The following ULK4 variants were observed in gnomAD, a reference collection of about 807,000 sequenced individuals.
ULK4 encodes unc-51 like kinase 4.
A neutral mutation model predicts 160.6 loss-of-function variants in ULK4; 133 were observed. That is an observed-to-expected ratio of 0.83 (90% CI 0.72 to 0.96). ULK4 has a LOEUF of 0.96. Among genes scored for constraint, ULK4 ranks in the 40% least tolerant of loss-of-function variants. The pLI, the probability that ULK4 is intolerant of heterozygous loss-of-function variation, is 0.00. For missense variants in ULK4, 1,580 were observed against 1,499.5 expected (o/e 1.05, Z -0.89); for synonymous variants, 534 against 539.8 (o/e 0.99, Z 0.15).
At chr3:41,883,736 G>A in intron 17 of ULK4, 138 bp downstream of exon 17, 1 of 789,162 alleles carries the variant, frequency 1.3e-6, no homozygotes. Flanking sequence ...GTCTGTTGAG[G>A]TAACAGTTTT....
At chr3:41,566,744 T>G (rs1575424743) in intron 31 of ULK4, among the ~76,000 whole-genome samples, 4 of 152,362 alleles carry the variant, frequency 2.6e-5, no homozygotes, top group Admixed American at 2.6e-4. Flanking sequence ...TTCTTTGTAA[T>G]TTTTAAAGGG....
intron 32 of ULK4, among the ~76,000 whole-genome samples, chr3:41,555,179 G>GA (rs1451442703): frequency 1.3e-5 from 2 of 151,862 alleles, no homozygotes; most frequent in South Asian, 2.1e-4. Context: ...AAACTGATTT[G>GA]AAAAAAATAC....
intron 30 of ULK4, among the ~76,000 whole-genome samples, chr3:41,658,274 T>G (rs1399673435): frequency 6.6e-6 from 1 of 152,192 alleles, no homozygotes; most frequent in East Asian, 1.9e-4. Flanking sequence ...GTTTGCACAT[T>G]TAACAGATGG....
At chr3:41,448,122 C>T (rs2083345364) in intron 34 of ULK4, among the ~76,000 whole-genome samples, 1 of 152,146 alleles carries the variant, frequency 6.6e-6, no homozygotes, top group Non-Finnish European at 1.5e-5. Context: ...CAAAGTGAAG[C>T]AAACCGATAT....
At chr3:41,639,278 T>A (rs190945374) in intron 30 of ULK4, among the ~76,000 whole-genome samples, 7 of 152,350 alleles carry the variant, frequency 4.6e-5, no homozygotes, top group Admixed American at 3.9e-4. Flanking sequence ...AAGACAATGT[T>A]TCTTGTTGCC....
intron 30 of ULK4, among the ~76,000 whole-genome samples, chr3:41,624,715 G>A (rs575391391): frequency 6.6e-6 from 1 of 152,024 alleles, no homozygotes; most frequent in Non-Finnish European, 1.5e-5. Flanking sequence ...TTTTTTAGTG[G>A]TAAGCCTAAT....
intron 17 of ULK4, among the ~76,000 whole-genome samples, chr3:41,864,907 T>C (rs1276339794): frequency 6.6e-6 from 1 of 152,062 alleles, no homozygotes; most frequent in Non-Finnish European, 1.5e-5. Context: ...AATGCCCAGA[T>C]TCCCCCCAGG....
At chr3:41,773,121 A>C (rs1397068389) in intron 21 of ULK4, among the ~76,000 whole-genome samples, 3 of 152,216 alleles carry the variant, frequency 2.0e-5, no homozygotes, top group Admixed American at 2.0e-4. Flanking sequence ...ATCATACTGA[A>C]TGGAAAAAAA....
intron 32 of ULK4, among the ~76,000 whole-genome samples, chr3:41,477,262 T>C (rs1409476011): frequency 1.3e-5 from 2 of 152,244 alleles, no homozygotes; most frequent in African/African-American, 4.8e-5. Flanking sequence ...CTGAGAATAT[T>C]AATATACATG....
chr3:41,489,542 C>A (rs904528625), intron 32 of ULK4, among the ~76,000 whole-genome samples: 1 of 152,194 alleles, frequency 6.6e-6, no homozygotes, highest in South Asian at 2.1e-4. Flanking sequence ...GCAACACCAT[C>A]CCCCTTCCTG....
chr3:41,903,795 A>G (rs1231807966), intron 12 of ULK4, among the ~76,000 whole-genome samples: 2 of 152,154 alleles, frequency 1.3e-5, no homozygotes, highest in African/African-American at 2.4e-5. Flanking sequence ...TTAAATGAAA[A>G]TAATTGTTAT....
intron 35 of ULK4, among the ~76,000 whole-genome samples, chr3:41,366,602 T>TAC (rs1379622107): frequency 9.2e-4 from 139 of 151,488 alleles, no homozygotes; most frequent in African/African-American, 2.9e-3. Context: ...TATGTATATA[T>TAC]ACACACACAC....
At position 41,545,385 on chromosome 3, in the gene ULK4, GAC is replaced by G. The variant is rs143943818; in HGVS notation, c.3226+20638_3226+20639del. Among the ~76,000 whole-genome samples the G allele has an allele frequency of 2.4e-4, 36 of 152,180 alleles. 1 individual carries two copies. In the East Asian group the frequency reaches 4.6e-3, roughly 20 times the overall value. ...TCCTTATTTCAACTTCATTTTAAAA[GAC>G]ACTTTCTGGAGATATAAAAATATAG... On this transcript the variant is annotated intron_variant, in intron 32 of 36. Transcript: ENST00000301831.
At chr3:41,698,521 T>C (rs1251377727) in intron 27 of ULK4, among the ~76,000 whole-genome samples, 2 of 152,178 alleles carry the variant, frequency 1.3e-5, no homozygotes, top group African/African-American at 4.8e-5. Context: ...ATAAGGATAA[T>C]GCAAATATTC....
At chr3:41,270,418 G>A (rs1415481369) in intron 35 of ULK4, among the ~76,000 whole-genome samples, 2 of 150,494 alleles carry the variant, frequency 1.3e-5, no homozygotes, top group Non-Finnish European at 1.5e-5. Flanking sequence ...GCACATTTGT[G>A]GGGTCTGGGT....
intron 35 of ULK4, among the ~76,000 whole-genome samples, chr3:41,330,690 A>G (rs1432923676): frequency 2.0e-5 from 3 of 152,128 alleles, no homozygotes; most frequent in Non-Finnish European, 4.4e-5. Context: ...GGTTTGAAAG[A>G]CCTTTTATTA....
chr3:41,780,170 G>A (rs1008981061), intron 21 of ULK4, among the ~76,000 whole-genome samples: 2 of 151,358 alleles, frequency 1.3e-5, no homozygotes, highest in African/African-American at 2.4e-5. Flanking sequence ...AAAAAAAGCC[G>A]AGTGTGGTGG....
intron 22 of ULK4, among the ~76,000 whole-genome samples, chr3:41,738,943 GCAAATGGAGCCC>G: frequency 6.6e-6 from 1 of 151,992 alleles, no homozygotes; most frequent in Non-Finnish European, 1.5e-5. Flanking sequence ...AACCCCTACA[GCAAATGGAGCCC>G]CAGGGAAGCA....
At chr3:41,908,143 T>G (rs956402652) in intron 11 of ULK4, among the ~76,000 whole-genome samples, 1 of 152,232 alleles carries the variant, frequency 6.6e-6, no homozygotes, top group Non-Finnish European at 1.5e-5. Flanking sequence ...ATTATTTCTT[T>G]TATTTATACA....
Sources: gnomAD v4.1 joint callset for allele counts (sites outside exome capture counted in the v4.1 genomes callset) on GRCh38, gnomAD v4.1.1 for gene constraint, MANE v1.5 for transcripts, NCBI Gene and HGNC (gene_info 2026-07-23, HGNC 2026-07-21) for gene names.